The following EMSY variants were observed in gnomAD, a reference collection of about 807,000 sequenced individuals.
EMSY encodes EMSY transcriptional repressor, BRCA2 interacting.
EMSY carries 26 observed loss-of-function variants against 134.6 expected under a neutral mutation model. The observed-to-expected ratio is 0.19, with a 90% CI of 0.14 to 0.27. The LOEUF is 0.27. Among genes scored for constraint, EMSY ranks in the 10% least tolerant of loss-of-function variants. EMSY has a pLI of 1.00. For missense variants in EMSY, 1,305 were observed against 1,611.4 expected (o/e 0.81, Z 3.26); for synonymous variants, 579 against 577.8 (o/e 1.00, Z -0.03).
intron 6 of EMSY, 65 bp downstream of exon 7, chr11:76,460,150 A>G (rs1948049594): frequency 1.2e-5 from 18 of 1,549,694 alleles, no homozygotes; most frequent in Non-Finnish European, 1.6e-5. Flanking sequence ...GGCTCTGATT[A>G]GACCTGCCTT....
chr11:76,542,809 A>G (rs1422555053), intron 18 of EMSY, among the ~76,000 whole-genome samples: 1 of 147,546 alleles, frequency 6.8e-6, no homozygotes, highest in African/African-American at 2.5e-5. Context: ...ATGACTAAGG[A>G]GGAAAATAAA....
chr11:76,505,416 G>A (rs187038504), intron 9 of EMSY, among the ~76,000 whole-genome samples: 4 of 144,790 alleles, frequency 2.8e-5, no homozygotes, highest in East Asian at 4.1e-4. Context: ...GGCCAAGCTG[G>A]TCTCAAACTC....
intron 4 of EMSY, among the ~76,000 whole-genome samples, chr11:76,455,965 G>A (rs1409425617): frequency 1.3e-5 from 2 of 152,102 alleles, no homozygotes; most frequent in Non-Finnish European, 2.9e-5. Context: ...TGAGGATGAG[G>A]ATTTCTTACT....
Position 76,499,275 on chromosome 11 carries a change from CTTTTTTTTTTTT to C in EMSY, c.1363+2825_1363+2836del, listed in dbSNP as rs777778051. 5.7e-4 allele frequency among the ~76,000 whole-genome samples: 40 copies of C among 70,006 alleles called. 1 individual carries two copies. The highest frequency in any genetic ancestry group is 2.1e-3 in the African/African-American group (30 of 14,522). 45.9% of individuals were successfully genotyped at this position (70,006 alleles called of 152,430 possible). Reference sequence around the variant, plus strand: ...TGCATCTGGCCAACCAATCTTATAACTTTTTTTTTTTTTTTTTTTTTTTTTTTTTTGAGATGG... The same window carrying C: ...TGCATCTGGCCAACCAATCTTATAACTTTTTTTTTTTTTTTTTTGAGATGG... On this transcript the variant is annotated intron_variant, in intron 9 of 20. Transcript: ENST00000334736.
intron 1 of EMSY, among the ~76,000 whole-genome samples, chr11:76,446,660 G>C (rs187465708): frequency 4.7e-4 from 72 of 152,328 alleles, no homozygotes; most frequent in African/African-American, 1.7e-3. Context: ...AAGTTGAAAA[G>C]TTGGGACTAG....
At chr11:76,483,296 A>C (rs1281628992) in intron 8 of EMSY, among the ~76,000 whole-genome samples, 2 of 152,226 alleles carry the variant, frequency 1.3e-5, no homozygotes, top group African/African-American at 4.8e-5. Context: ...CCACTGCAAA[A>C]ACATACCAAA....
exon 2 of EMSY, chr11:76,446,980 T>C (rs764999766): frequency 6.2e-7 from 1 of 1,613,650 alleles, no homozygotes; most frequent in East Asian, 2.2e-5. Flanking sequence ...TCAGCAGGGA[T>C]GAATGCAAAA....
rs1951456728 is a variant in EMSY at position 76,541,981 on chromosome 11, A to T, written c.2558-235A>T. On this transcript the variant is annotated intron_variant, in intron 17 of 20. Coordinates refer to ENST00000334736, the Ensembl canonical transcript of EMSY. The stretch of plus-strand genomic sequence containing the variant: ...CGTATACATTTCTCATCTCATCCTT[A>T]TAATAGCTCTGTTATTCCCATTTTG... The T allele has an allele frequency of 1.5e-5, 9 of 609,218 alleles. No individual in the cohort carries two copies. In the East Asian group the frequency reaches 2.5e-4, roughly 17 times the overall value. The allele number at this position is 609,218 out of a possible 1,614,324, so 37.7% of individuals were successfully genotyped here.
intron 20 of EMSY, 44 bp downstream of exon 21, chr11:76,546,341 G>A (rs1951651616): frequency 6.4e-7 from 1 of 1,563,752 alleles, no homozygotes; most frequent in South Asian, 1.2e-5. Flanking sequence ...CATCTTGGGG[G>A]TTGTGGGTTT....
chr11:76,529,559 G>A (rs1252235221), intron 14 of EMSY, among the ~76,000 whole-genome samples: 1 of 152,016 alleles, frequency 6.6e-6, no homozygotes, highest in African/African-American at 2.4e-5. Flanking sequence ...ATAAAATCTA[G>A]ATCTAGAATA....
At chr11:76,548,497 T>C (rs1951732282) in intron 20 of EMSY, among the ~76,000 whole-genome samples, 1 of 152,192 alleles carries the variant, frequency 6.6e-6, no homozygotes, top group African/African-American at 2.4e-5. Context: ...AAAGAGTCTA[T>C]ATATGTGGAA....
chr11:76,546,097 A>C, exon 20 of EMSY: 2 of 1,613,916 alleles, frequency 1.2e-6, no homozygotes, highest in Non-Finnish European at 8.5e-7. Flanking sequence ...CTCCACCCAC[A>C]TGGTGGTGGC....
At chr11:76,547,374 A>G (rs1951690459) in intron 20 of EMSY, among the ~76,000 whole-genome samples, 1 of 152,222 alleles carries the variant, frequency 6.6e-6, no homozygotes, top group Admixed American at 6.5e-5. Flanking sequence ...TGAATTATTA[A>G]AATAATTTGT....
chr11:76,537,012 C>T (rs1951247829), intron 15 of EMSY, among the ~76,000 whole-genome samples: 2 of 152,268 alleles, frequency 1.3e-5, no homozygotes, highest in East Asian at 1.9e-4. Flanking sequence ...TTGTTTGATC[C>T]AAAGATTACT....
chr11:76,509,831 A>G (rs1007619832), intron 9 of EMSY, among the ~76,000 whole-genome samples: 5 of 152,248 alleles, frequency 3.3e-5, no homozygotes, highest in African/African-American at 4.8e-5. Context: ...GGACAAGGAA[A>G]GAGGACAAGT....
At position 76,522,352 on chromosome 11, in the gene EMSY, C is replaced by CTTTTTTTTTTTTTTTTTTTTTTTTTTTT. The variant is rs71040003; in HGVS notation, c.1685-800_1685-773dup. Among the ~76,000 whole-genome samples the CTTTTTTTTTTTTTTTTTTTTTTTTTTTT allele has an allele frequency of 4.5e-5, 2 of 44,222 alleles. 1 individual carries two copies. The highest frequency in any genetic ancestry group is 7.5e-5 in the Non-Finnish European group (2 of 26,566). 29.0% of individuals were successfully genotyped at this position (44,222 alleles called of 152,430 possible). A position where few individuals can be genotyped will look rare whatever the true frequency, so the allele number is the denominator to read the frequency against. ...CTTGTTTTGTATATCGTTTACTTTG[C>CTTTTTTTTTTTTTTTTTTTTTTTTTTTT]TTTTTTTTTTTTTTTTTTTTTTTTT... On this transcript the variant is annotated intron_variant, in intron 11 of 20. Transcript: ENST00000334736.
chr11:76,450,890 C>T (rs2134794849), intron 2 of EMSY, among the ~76,000 whole-genome samples: 1 of 151,038 alleles, frequency 6.6e-6, no homozygotes, highest in South Asian at 2.1e-4. Flanking sequence ...ACTTCCTGGG[C>T]TCAAGTGATC....
intron 3 of EMSY, among the ~76,000 whole-genome samples, chr11:76,452,232 A>C (rs1313030252): frequency 6.6e-6 from 1 of 152,204 alleles, no homozygotes; most frequent in African/African-American, 2.4e-5. Flanking sequence ...CTTTTAGCCC[A>C]CCTGGATAAG....
rs184204213 is a variant in EMSY at position 76,449,039 on chromosome 11, A to G, written c.70+2031A>G. Among the ~76,000 whole-genome samples, 219 of 152,216 alleles carry G rather than the reference A, an allele frequency of 1.4e-3. 1 individual carries two copies. The highest frequency in any genetic ancestry group is 2.7e-3 in the Admixed American group (42 of 15,290). Reference sequence around the variant, plus strand: ...GCTCCAACACGGGGCTTTATGGACTATAGTGTATTTGAATGGCTGATTTAA... The same window carrying G: ...GCTCCAACACGGGGCTTTATGGACTGTAGTGTATTTGAATGGCTGATTTAA... On this transcript the variant is annotated intron_variant, in intron 2 of 20. Coordinates refer to ENST00000334736, the Ensembl canonical transcript of EMSY.
Sources: allele counts gnomAD v4.1 joint callset (sites outside exome capture counted in the v4.1 genomes callset), GRCh38; gene constraint gnomAD v4.1.1; transcripts MANE v1.5; gene names NCBI Gene and HGNC (gene_info 2026-07-23, HGNC 2026-07-21).